PRCP: variants seen among roughly 807,000 people sequenced by gnomAD.
PRCP encodes the protein prolylcarboxypeptidase, also known as lysosomal Pro-X carboxypeptidase.
Under a neutral mutation model 54.2 loss-of-function variants are expected in PRCP, and 46 were observed. That is an observed-to-expected ratio of 0.85 (90% CI 0.67 to 1.09). PRCP has a LOEUF of 1.09. Among genes scored for constraint, PRCP ranks in the 50% least tolerant of loss-of-function variants. The pLI is 0.00. For synonymous variants in PRCP, 240 were observed against 212.2 expected (o/e 1.13, Z -1.14); for missense variants, 613 against 596.8 (o/e 1.03, Z -0.28).
At chr11:82,844,747 A>AAAAAAAAGAAAG (rs756222029) in intron 6 of PRCP, among the ~76,000 whole-genome samples, 42 of 136,040 alleles carry the variant, frequency 3.1e-4, no homozygotes, top group Non-Finnish European at 5.2e-4. Flanking sequence ...AAAAAAAAAA[A>AAAAAAAAGAAAG]AAAGAAAGAA....
chr11:82,846,269 G>A (rs932599847), intron 6 of PRCP: 2 of 152,054 alleles, frequency 1.3e-5, no homozygotes, highest in Non-Finnish European at 2.9e-5. Context: ...TTAGTGGGTT[G>A]GGAGAACACA....
chr11:82,886,670 A>T (rs769371147), intron 1 of PRCP, among the ~76,000 whole-genome samples: 5 of 152,214 alleles, frequency 3.3e-5, no homozygotes, highest in Admixed American at 6.5e-5. Flanking sequence ...AAGGGCTGTG[A>T]TGCTGACAGA....
At chr11:82,848,466 G>A (rs1858864127) in intron 6 of PRCP, among the ~76,000 whole-genome samples, 1 of 152,160 alleles carries the variant, frequency 6.6e-6, no homozygotes, top group Non-Finnish European at 1.5e-5. Context: ...GGAAAGAAAA[G>A]CACCTTGCCT....
intron 3 of PRCP, among the ~76,000 whole-genome samples, chr11:82,851,367 T>A (rs1780522364): frequency 6.6e-6 from 1 of 151,474 alleles, no homozygotes; most frequent in Admixed American, 6.6e-5. Flanking sequence ...CACTGCAGCT[T>A]CCACCTTGCT....
chr11:82,861,100 A>C (rs1468361291), intron 1 of PRCP, among the ~76,000 whole-genome samples: 2 of 152,172 alleles, frequency 1.3e-5, no homozygotes, highest in South Asian at 2.1e-4. Flanking sequence ...ATTTCTAAAA[A>C]GGAAAGAAAG....
chr11:82,856,311 T>C (rs982369498), intron 2 of PRCP, among the ~76,000 whole-genome samples: 2 of 152,204 alleles, frequency 1.3e-5, no homozygotes, highest in Non-Finnish European at 2.9e-5. Context: ...ATGTGGTCTA[T>C]ATACACCATA....
At chr11:82,838,758 G>A (rs1233570719) in intron 7 of PRCP, among the ~76,000 whole-genome samples, 184 bp from the exon 8 acceptor site, 3 of 152,112 alleles carry the variant, frequency 2.0e-5, no homozygotes, top group Admixed American at 6.5e-5. Context: ...AAAAGACTTG[G>A]CCAAGAAGTC....
chr11:82,841,666 G>A (rs910688414), intron 6 of PRCP, among the ~76,000 whole-genome samples: 2 of 152,096 alleles, frequency 1.3e-5, no homozygotes, highest in African/African-American at 4.8e-5. Context: ...GGAATACCAG[G>A]GTTTAGGATG....
intron 1 of PRCP, among the ~76,000 whole-genome samples, chr11:82,867,644 G>A (rs1338936856): frequency 6.6e-6 from 1 of 152,168 alleles, no homozygotes; most frequent in East Asian, 1.9e-4. Flanking sequence ...ATCAAGCACT[G>A]CATATAAATT....
chr11:82,872,544 T>C (rs1284184576), intron 1 of PRCP, among the ~76,000 whole-genome samples: 9 of 152,008 alleles, frequency 5.9e-5, no homozygotes, highest in African/African-American at 1.9e-4. Context: ...CATGTGACAA[T>C]GGAAGCAGAG....
At chr11:82,866,631 C>A (rs1859343136) in intron 1 of PRCP, among the ~76,000 whole-genome samples, 1 of 152,168 alleles carries the variant, frequency 6.6e-6, no homozygotes. Context: ...TTTAGTGCCC[C>A]AGCCTCCTAT....
intron 2 of PRCP, among the ~76,000 whole-genome samples, chr11:82,855,605 C>A (rs1048772494): frequency 5.9e-5 from 9 of 151,724 alleles, no homozygotes; most frequent in African/African-American, 2.2e-4. Flanking sequence ...GGCAACAGAG[C>A]GAGACTCTGT....
chr11:82,838,798 C>A (rs1858592369), intron 7 of PRCP, among the ~76,000 whole-genome samples: 1 of 152,164 alleles, frequency 6.6e-6, no homozygotes, highest in Non-Finnish European at 1.5e-5. Context: ...CCCTTCATAG[C>A]AAACTGCTTG....
At chr11:82,865,008 A>G (rs553573723) in intron 1 of PRCP, among the ~76,000 whole-genome samples, 1 of 152,264 alleles carries the variant, frequency 6.6e-6, no homozygotes, top group East Asian at 1.9e-4. Context: ...AATAACACAG[A>G]GCACCTACCA....
chr11:82,865,709 G>C (rs1859316292), intron 1 of PRCP, among the ~76,000 whole-genome samples: 1 of 152,152 alleles, frequency 6.6e-6, no homozygotes, highest in South Asian at 2.1e-4. Flanking sequence ...CTCTAATGCA[G>C]AGATCTAAAA....
chr11:82,861,589 G>A (rs898306031), intron 1 of PRCP, among the ~76,000 whole-genome samples: 5 of 151,976 alleles, frequency 3.3e-5, no homozygotes, highest in East Asian at 1.9e-4. Context: ...CACCTATGAC[G>A]TATTCCTGCC....
At chr11:82,846,762 T>G (rs546590404) in intron 6 of PRCP, among the ~76,000 whole-genome samples, 8 of 152,304 alleles carry the variant, frequency 5.3e-5, no homozygotes, top group African/African-American at 1.9e-4. Flanking sequence ...GAACAAAGGA[T>G]AAAATATTTA....
At chr11:82,869,368 AAAG>A (rs1216141793) in intron 1 of PRCP, among the ~76,000 whole-genome samples, 3 of 151,326 alleles carry the variant, frequency 2.0e-5, no homozygotes, top group African/African-American at 7.3e-5. Context: ...AAAAAAAAAA[AAAG>A]AAGAAGAAAA....
At chr11:82,847,152 T>C (rs1481885192) in intron 6 of PRCP, among the ~76,000 whole-genome samples, 6 of 152,214 alleles carry the variant, frequency 3.9e-5, no homozygotes, top group Non-Finnish European at 8.8e-5. Context: ...ATGAGAGAAT[T>C]CCCCATATGT....
Sources: gnomAD v4.1 joint callset for allele counts (sites outside exome capture counted in the v4.1 genomes callset) on GRCh38, gnomAD v4.1.1 for gene constraint, MANE v1.5 for transcripts, NCBI Gene and HGNC (gene_info 2026-07-23, HGNC 2026-07-21) for gene names.